The following DRC11 variants were observed in gnomAD, a reference collection of about 807,000 sequenced individuals.
The protein encoded by DRC11 is IQ and AAA domain-containing protein 1.
chr2:236,369,296 G>A, the DRC11 span, among the ~76,000 whole-genome samples: 2 of 152,240 alleles, frequency 1.3e-5, no homozygotes, highest in African/African-American at 2.4e-5. This position sits in a 1 kb window ranked among gnomAD's most constrained non-coding sequence, Gnocchi z 4.5. Context: ...GACAGTGACC[G>A]CTGTTTTGTT....
the DRC11 span, among the ~76,000 whole-genome samples, chr2:236,347,508 CTA>C: frequency 1.2e-3 from 133 of 106,944 alleles, 3 homozygotes; most frequent in East Asian, 1.9e-3. Context: ...AAAAACTGTG[CTA>C]TATATATATA....
chr2:236,341,160 A>G, the DRC11 span, among the ~76,000 whole-genome samples: 1 of 152,244 alleles, frequency 6.6e-6, no homozygotes, highest in African/African-American at 2.4e-5. Context: ...CAACCGCCAC[A>G]GCCAGCCCCA....
the DRC11 span, among the ~76,000 whole-genome samples, chr2:236,397,235 T>G: frequency 1.3e-5 from 2 of 152,250 alleles, no homozygotes; most frequent in Non-Finnish European, 2.9e-5. This position sits in a 1 kb window ranked among gnomAD's most constrained non-coding sequence, Gnocchi z 5.0. Context: ...ATGTCAGACA[T>G]GAGCCCCTGA....
the DRC11 span, among the ~76,000 whole-genome samples, chr2:236,474,271 T>C: frequency 6.6e-6 from 1 of 152,202 alleles, no homozygotes; most frequent in Non-Finnish European, 1.5e-5. Context: ...TTATTCTCTT[T>C]ATACTATTCA....
At chr2:236,352,239 G>C in the DRC11 span, among the ~76,000 whole-genome samples, 1 of 152,130 alleles carries the variant, frequency 6.6e-6, no homozygotes, top group Non-Finnish European at 1.5e-5. This position sits in a 1 kb window ranked among gnomAD's most constrained non-coding sequence, Gnocchi z 7.0. Flanking sequence ...CAGAGAGTTT[G>C]GTAATGAGGA....
the DRC11 span, chr2:236,346,644 T>C: frequency 5.9e-6 from 1 of 169,116 alleles, no homozygotes; most frequent in Non-Finnish European, 1.5e-5. Context: ...TAGTCGGGCA[T>C]GAGCAGGGCA....
At chr2:236,467,310 A>G in the DRC11 span, among the ~76,000 whole-genome samples, 1 of 152,122 alleles carries the variant, frequency 6.6e-6, no homozygotes, top group African/African-American at 2.4e-5. Flanking sequence ...TTGATCTTTC[A>G]TGACTCTGAG....
chr2:236,406,815 G>C, the DRC11 span, among the ~76,000 whole-genome samples: 4 of 150,512 alleles, frequency 2.7e-5, no homozygotes, highest in African/African-American at 9.8e-5. The surrounding 1 kb of genome is among the most constrained non-coding windows in gnomAD (Gnocchi z 4.7). Flanking sequence ...GCACAATCTC[G>C]GCTCACTGCA....
chr2:236,344,578 T>C, the DRC11 span: 7 of 1,613,520 alleles, frequency 4.3e-6, no homozygotes, highest in Non-Finnish European at 5.9e-6. Context: ...CGTTGGGAAC[T>C]TTTTTGTAGA....
chr2:236,388,909 G>C, the DRC11 span, among the ~76,000 whole-genome samples: 874 of 152,290 alleles, frequency 5.7e-3, 11 homozygotes, highest in African/African-American at 0.02. Context: ...AGGTCTATTT[G>C]AGTACCCAGC....
chr2:236,446,676 C>T, the DRC11 span, among the ~76,000 whole-genome samples: 2 of 152,194 alleles, frequency 1.3e-5, no homozygotes, highest in African/African-American at 2.4e-5. The surrounding 1 kb of genome is among the most constrained non-coding windows in gnomAD (Gnocchi z 6.2). Context: ...CTGGAAAACC[C>T]TCTTCTGTGC....
At chr2:236,373,643 T>G in the DRC11 span, among the ~76,000 whole-genome samples, 497 of 152,318 alleles carry the variant, frequency 3.3e-3, 3 homozygotes, top group Non-Finnish European at 5.6e-3. Flanking sequence ...TTCTTATTCT[T>G]TTTTTCTTAT....
chr2:236,424,197 G>GT, the DRC11 span, among the ~76,000 whole-genome samples: 1 of 151,664 alleles, frequency 6.6e-6, no homozygotes, highest in East Asian at 1.9e-4. Context: ...AACTTAAAGT[G>GT]TAAAAAAAAA....
chr2:236,453,370 T>C, the DRC11 span, among the ~76,000 whole-genome samples: 2 of 152,252 alleles, frequency 1.3e-5, no homozygotes, highest in East Asian at 3.8e-4. This position sits in a 1 kb window ranked among gnomAD's most constrained non-coding sequence, Gnocchi z 4.9. Context: ...AATGAATATC[T>C]ATCATATTTA....
At chr2:236,497,179 T>C in the DRC11 span, 1 of 1,609,730 alleles carries the variant, frequency 6.2e-7, no homozygotes, top group Non-Finnish European at 8.5e-7. This position sits in a 1 kb window ranked among gnomAD's most constrained non-coding sequence, Gnocchi z 5.1. Context: ...CAGCTTGAGA[T>C]CCTGCAGGAT....
chr2:236,447,287 C>T, the DRC11 span, among the ~76,000 whole-genome samples: 1 of 151,588 alleles, frequency 6.6e-6, no homozygotes, highest in Non-Finnish European at 1.5e-5. This position sits in a 1 kb window ranked among gnomAD's most constrained non-coding sequence, Gnocchi z 4.6. Context: ...GGCAGAGACG[C>T]GGTCATGCTG....
the DRC11 span, among the ~76,000 whole-genome samples, chr2:236,341,095 G>A: frequency 6.6e-6 from 1 of 152,332 alleles, no homozygotes; most frequent in Admixed American, 6.5e-5. Flanking sequence ...TCAAATTAGT[G>A]GCTAGCATCC....
chr2:236,457,492 G>A, the DRC11 span, among the ~76,000 whole-genome samples: 7 of 152,216 alleles, frequency 4.6e-5, no homozygotes, highest in Non-Finnish European at 8.8e-5. The surrounding 1 kb of genome is among the most constrained non-coding windows in gnomAD (Gnocchi z 4.7). Context: ...TCATAGAGCT[G>A]TTGAGAGTTG....
the DRC11 span, among the ~76,000 whole-genome samples, chr2:236,404,502 G>A: frequency 6.6e-6 from 1 of 152,106 alleles, no homozygotes; most frequent in Non-Finnish European, 1.5e-5. Flanking sequence ...CGCCCTCCTG[G>A]CCATCTTCTG....
Sources: gnomAD v4.1 joint callset for allele counts (sites outside exome capture counted in the v4.1 genomes callset) on GRCh38, gnomAD v4.1.1 for gene constraint, Gnocchi (gnomAD v3.1) non-coding constraint, MANE v1.5 for transcripts, NCBI Gene and HGNC (gene_info 2026-07-23, HGNC 2026-07-21) for gene names.